Variants in EYA4 observed in about 807,000 individuals in gnomAD.
EYA4 encodes the protein protein phosphatase EYA4.
EYA4 carries 31 observed loss-of-function variants against 87.9 expected under a neutral mutation model. The observed-to-expected ratio is 0.35, with a 90% CI of 0.27 to 0.48. The LOEUF (loss-of-function observed/expected upper bound fraction) is 0.48. Among genes scored for constraint, EYA4 ranks in the 20% least tolerant of loss-of-function variants. The pLI, the probability that EYA4 is intolerant of heterozygous loss-of-function variation, is 0.99. For synonymous variants in EYA4, 263 were observed against 270.6 expected (o/e 0.97, Z 0.28); for missense variants, 678 against 761.4 (o/e 0.89, Z 1.29).
At chr6:133,275,918 A>T (rs375415912) in intron 2 of EYA4, among the ~76,000 whole-genome samples, 21 of 152,336 alleles carry the variant, frequency 1.4e-4, no homozygotes, top group African/African-American at 4.6e-4. Flanking sequence ...CAAATGGTAG[A>T]GATATATTCC....
Position 133,500,787 on chromosome 6 carries a change from C to T in EYA4, c.1192-5319C>T, listed in dbSNP as rs114251445. On this transcript the variant is annotated intron_variant, in intron 13 of 19. Transcript: ENST00000355286. The stretch of plus-strand genomic sequence containing the variant: ...TCTCCTAGATTCTTCCCATCACCAT[C>T]GTATCTGCTGTCACATTCCTGTCAT... Among the ~76,000 whole-genome samples the T allele has an allele frequency of 5.9e-5, 9 of 152,250 alleles. No homozygotes were observed. In the East Asian group the frequency reaches 7.8e-4, roughly 13 times the overall value.
chr6:133,389,891 A>G (rs1172685353), intron 3 of EYA4, among the ~76,000 whole-genome samples: 3 of 152,054 alleles, frequency 2.0e-5, no homozygotes, highest in Admixed American at 6.5e-5. Context: ...CACTGCCACT[A>G]TGAAAGTTCA....
intron 3 of EYA4, among the ~76,000 whole-genome samples, chr6:133,393,249 T>C (rs1787457722): frequency 1.3e-5 from 2 of 152,134 alleles, no homozygotes; most frequent in Admixed American, 1.3e-4. Flanking sequence ...GGGGATATAG[T>C]GGTTTTCCTC....
At chr6:133,377,680 G>A (rs1433056133) in intron 2 of EYA4, among the ~76,000 whole-genome samples, 1 of 143,344 alleles carries the variant, frequency 7.0e-6, no homozygotes, top group Non-Finnish European at 1.5e-5. Flanking sequence ...GAGTTTAAAT[G>A]TTACTAGTGC....
intron 3 of EYA4, among the ~76,000 whole-genome samples, chr6:133,407,699 T>G (rs868759463): frequency 6.6e-6 from 1 of 151,938 alleles, no homozygotes; most frequent in Non-Finnish European, 1.5e-5. Context: ...TAGATTCAAA[T>G]TCAACTTAGG....
At chr6:133,398,660 C>T (rs183782898) in intron 3 of EYA4, among the ~76,000 whole-genome samples, 4 of 152,222 alleles carry the variant, frequency 2.6e-5, no homozygotes, top group African/African-American at 9.6e-5. Context: ...CTATGGAAGG[C>T]TTGCTTAAAA....
chr6:133,383,786 A>T (rs1053797538), intron 3 of EYA4, among the ~76,000 whole-genome samples: 1 of 152,128 alleles, frequency 6.6e-6, no homozygotes, highest in Non-Finnish European at 1.5e-5. Flanking sequence ...TCAAAATGGA[A>T]CTAACTAATT....
chr6:133,404,745 G>A (rs1562381249), intron 3 of EYA4, among the ~76,000 whole-genome samples: 1 of 152,100 alleles, frequency 6.6e-6, no homozygotes, highest in Non-Finnish European at 1.5e-5. Context: ...TAATAAATAC[G>A]ACTTTCATTG....
intron 11 of EYA4, among the ~76,000 whole-genome samples, chr6:133,477,883 A>T (rs1795882523): frequency 6.6e-6 from 1 of 152,014 alleles, no homozygotes; most frequent in Non-Finnish European, 1.5e-5. Context: ...CATAATAAAG[A>T]GCTTTGACAA....
At chr6:133,485,988 A>G (rs1211159849) in intron 13 of EYA4, among the ~76,000 whole-genome samples, 1 of 152,262 alleles carries the variant, frequency 6.6e-6, no homozygotes, top group Non-Finnish European at 1.5e-5. Flanking sequence ...TGATGCTTAC[A>G]GCATTCTGAC....
intron 2 of EYA4, among the ~76,000 whole-genome samples, chr6:133,348,072 C>CACACA (rs1783333492): frequency 6.6e-6 from 1 of 152,176 alleles, no homozygotes; most frequent in African/African-American, 2.4e-5. Context: ...TTTTAAAAAT[C>CACACA]AGTTCCTTCC....
chr6:133,343,523 C>G (rs568494433), intron 2 of EYA4, among the ~76,000 whole-genome samples: 1 of 151,182 alleles, frequency 6.6e-6, no homozygotes, highest in African/African-American at 2.4e-5. Flanking sequence ...ATAGCCTCCC[C>G]CTAGCTCAAC....
intron 3 of EYA4, among the ~76,000 whole-genome samples, chr6:133,384,960 C>T (rs1786569020): frequency 6.6e-6 from 1 of 152,096 alleles, no homozygotes; most frequent in African/African-American, 2.4e-5. Context: ...CACTAAGCAG[C>T]ATTATTTTAA....
intron 3 of EYA4, among the ~76,000 whole-genome samples, chr6:133,395,005 A>C (rs1787662603): frequency 6.6e-6 from 1 of 152,202 alleles, no homozygotes; most frequent in South Asian, 2.1e-4. Flanking sequence ...TTTTAGAATT[A>C]TTTATATACA....
chr6:133,500,860 T>A (rs2128748610), intron 13 of EYA4, among the ~76,000 whole-genome samples: 1 of 152,294 alleles, frequency 6.6e-6, no homozygotes, highest in Non-Finnish European at 1.5e-5. Context: ...CTGCTCTCCT[T>A]CTCTGCTCTT....
intron 18 of EYA4, 22 bp from the exon 19 acceptor site, chr6:133,525,132 C>CTT (rs1562520216): frequency 6.2e-7 from 1 of 1,613,466 alleles, no homozygotes; most frequent in Non-Finnish European, 8.5e-7. Flanking sequence ...TCACTCTGAA[C>CTT]TTTATCTCAT....
At chr6:133,473,262 C>T (rs1429587442) in intron 11 of EYA4, among the ~76,000 whole-genome samples, 1 of 151,906 alleles carries the variant, frequency 6.6e-6, no homozygotes, top group Non-Finnish European at 1.5e-5. Flanking sequence ...GACTCAATGC[C>T]ATTAAACGAT....
chr6:133,458,891 G>T (rs1794138068), intron 6 of EYA4, among the ~76,000 whole-genome samples: 1 of 152,074 alleles, frequency 6.6e-6, no homozygotes, highest in Non-Finnish European at 1.5e-5. Context: ...AAGCAGTTTT[G>T]CTTACTGTTG....
At chr6:133,301,173 T>A (rs770559266) in intron 2 of EYA4, among the ~76,000 whole-genome samples, 24 of 152,220 alleles carry the variant, frequency 1.6e-4, no homozygotes, top group Non-Finnish European at 8.8e-5. Flanking sequence ...ATTATTATAA[T>A]CATAAGAGTA....
Sources: gnomAD v4.1 joint callset for allele counts (sites outside exome capture counted in the v4.1 genomes callset) on GRCh38, gnomAD v4.1.1 for gene constraint, MANE v1.5 for transcripts, NCBI Gene and HGNC (gene_info 2026-07-23, HGNC 2026-07-21) for gene names.